The following KIAA0930 variants were observed in gnomAD, a reference collection of about 807,000 sequenced individuals.
KIAA0930 encodes KIAA0930.
A neutral mutation model predicts 43.9 loss-of-function variants in KIAA0930; 24 were observed. The ratio of observed to expected loss-of-function variants is 0.55; its 90% CI spans 0.40 to 0.77. The LOEUF (loss-of-function observed/expected upper bound fraction) is 0.77, where lower values mean the gene tolerates loss of function less well. Ranked by LOEUF, KIAA0930 falls within the 30% of genes least tolerant of loss-of-function variation. The pLI is 0.00. For synonymous variants in KIAA0930, 259 were observed against 216.4 expected (o/e 1.20, Z -1.73); for missense variants, 461 against 574.2 (o/e 0.80, Z 2.02).
intron 7 of KIAA0930, chr22:45,201,104 T>TCCA: frequency 2.2e-6 from 1 of 450,324 alleles, no homozygotes; most frequent in Non-Finnish European, 4.5e-6. Flanking sequence ...GGCTCCGACA[T>TCCA]CCACCAAAGT....
At chr22:45,230,464 C>T (rs1049996090) in intron 1 of KIAA0930, among the ~76,000 whole-genome samples, 2 of 152,120 alleles carry the variant, frequency 1.3e-5, no homozygotes, top group Admixed American at 1.3e-4. Context: ...GGCACCCTCT[C>T]TATGTCCGGA....
chr22:45,225,931 C>G (rs946857940), intron 1 of KIAA0930, among the ~76,000 whole-genome samples: 1 of 152,244 alleles, frequency 6.6e-6, no homozygotes, highest in Non-Finnish European at 1.5e-5. Flanking sequence ...AGGGCCAGGC[C>G]AAAGCCCCAC....
At chr22:45,202,289 A>G (rs1046393463) in intron 7 of KIAA0930, among the ~76,000 whole-genome samples, 1 of 152,196 alleles carries the variant, frequency 6.6e-6, no homozygotes, top group Non-Finnish European at 1.5e-5. Flanking sequence ...CCTGTGCCCC[A>G]CCAAAGGCTT....
intron 7 of KIAA0930, 61 bp downstream of exon 7, chr22:45,202,929 G>GA (rs763593646): frequency 1.1e-4 from 153 of 1,409,216 alleles, no homozygotes; most frequent in Non-Finnish European, 1.4e-4. Flanking sequence ...GAGCACGGGG[G>GA]AGACGGTGGA....
intron 3 of KIAA0930, 24 bp downstream of exon 3, chr22:45,205,769 A>AGGGGG: frequency 1.2e-5 from 18 of 1,545,970 alleles, no homozygotes; most frequent in Non-Finnish European, 1.4e-5. Flanking sequence ...GCCAATCCGC[A>AGGGGG]GCCCCACCCA....
intron 1 of KIAA0930, among the ~76,000 whole-genome samples, chr22:45,217,520 C>T (rs891567139): frequency 2.0e-5 from 3 of 152,146 alleles, no homozygotes; most frequent in African/African-American, 7.2e-5. Flanking sequence ...GTGCCTGGGA[C>T]TAGATAGCAT....
Position 45,199,855 on chromosome 22 carries a change from C to T in KIAA0930, c.1015+18G>A, listed in dbSNP as rs1275872841. 1 of 1,542,994 alleles carries T rather than the reference C, an allele frequency of 6.5e-7. No individual in the cohort carries two copies. The highest frequency in any genetic ancestry group is 1.4e-5 in the African/African-American group (1 of 72,042). ...ACTGAAGGGCACGGGGACCCTAGGG[C>T]ACGGAGTGGGGGGTCACCTCCACCG... On this transcript the variant is annotated intron_variant, in intron 8 of 9. Coordinates refer to ENST00000336156, the MANE Select transcript of KIAA0930 (RefSeq NM_001009880.2).
intron 1 of KIAA0930, among the ~76,000 whole-genome samples, chr22:45,222,672 C>T (rs970271085): frequency 7.4e-5 from 10 of 134,994 alleles, no homozygotes; most frequent in Non-Finnish European, 1.5e-4. Context: ...CACACACATA[C>T]ACCATAAACA....
At chr22:45,199,506 C>G (rs1407667551) in intron 8 of KIAA0930, among the ~76,000 whole-genome samples, 1 of 152,222 alleles carries the variant, frequency 6.6e-6, no homozygotes, top group African/African-American at 2.4e-5. Context: ...AAGCCCTCCT[C>G]TCTCCCGCCA....
At chr22:45,208,329 C>A (rs1043001045) in intron 2 of KIAA0930, among the ~76,000 whole-genome samples, 2 of 150,106 alleles carry the variant, frequency 1.3e-5, no homozygotes, top group African/African-American at 4.9e-5. Flanking sequence ...CGACTCCACA[C>A]ACATGAGCTG....
intron 1 of KIAA0930, chr22:45,213,467 C>T: frequency 4.1e-6 from 5 of 1,225,708 alleles, no homozygotes; most frequent in Admixed American, 2.9e-5. Flanking sequence ...ACTGGCAAGA[C>T]CTCCCAGGCT....
intron 1 of KIAA0930, among the ~76,000 whole-genome samples, chr22:45,230,063 T>C (rs2083842746): frequency 6.6e-6 from 1 of 152,156 alleles, no homozygotes; most frequent in Non-Finnish European, 1.5e-5. Context: ...GCCACTGCAC[T>C]CCAGCCTGGG....
chr22:45,238,254 T>C (rs1413901270), intron 1 of KIAA0930, among the ~76,000 whole-genome samples: 1 of 152,160 alleles, frequency 6.6e-6, no homozygotes, highest in East Asian at 1.9e-4. Flanking sequence ...GAAGCTAAGA[T>C]TCCCATCTCC....
At chr22:45,212,984 G>T (rs2083707865) in intron 1 of KIAA0930, among the ~76,000 whole-genome samples, 1 of 152,160 alleles carries the variant, frequency 6.6e-6, no homozygotes, top group Non-Finnish European at 1.5e-5. Flanking sequence ...CAACTCAGTA[G>T]ATTAAACCGG....
chr22:45,223,742 C>T (rs2083781552), intron 1 of KIAA0930, among the ~76,000 whole-genome samples: 1 of 148,726 alleles, frequency 6.7e-6, no homozygotes, highest in Non-Finnish European at 1.5e-5. Context: ...CACCCAGGGT[C>T]AGCACTGAGA....
chr22:45,195,091 C>G lies in KIAA0930; in HGVS notation c.*2085G>C, dbSNP rs1408116437. On this transcript the variant is annotated 3_prime_UTR_variant, in exon 10 of 10. Coordinates refer to ENST00000336156, the MANE Select transcript of KIAA0930 (RefSeq NM_001009880.2). ...CGTTTCTGTGACCAGCGAGCCCTTTCACACATCACTGTGACTGGTCCTCAT... is the reference window on the plus strand; with the variant it reads ...CGTTTCTGTGACCAGCGAGCCCTTTGACACATCACTGTGACTGGTCCTCAT... 6.6e-6 allele frequency: 1 copy of G among 152,266 alleles called. No homozygotes were observed. Among genetic ancestry groups the G allele is most frequent in the Non-Finnish European group, 1.5e-5 (1 of 68,044 alleles). 9.4% of individuals were successfully genotyped at this position (152,266 alleles called of 1,614,324 possible).
chr22:45,233,886 G>C (rs188726895), intron 1 of KIAA0930, among the ~76,000 whole-genome samples: 2 of 152,228 alleles, frequency 1.3e-5, no homozygotes, highest in Non-Finnish European at 2.9e-5. Context: ...GCCTAGCCCA[G>C]CACCGCATGC....
At position 45,202,866 on chromosome 22, in the gene KIAA0930, G is replaced by T. The variant is rs944196960; in HGVS notation, c.852+124C>A. On this transcript the variant is annotated intron_variant, in intron 7 of 9. Coordinates refer to ENST00000336156, the MANE Select transcript of KIAA0930 (RefSeq NM_001009880.2). Reference sequence around the variant, plus strand: ...CGGGCCTCCGCACGCTCGGCACCTCGGCCTGCGCACTGGTGGTTGGGGATG... The same window carrying T: ...CGGGCCTCCGCACGCTCGGCACCTCTGCCTGCGCACTGGTGGTTGGGGATG... The T allele has an allele frequency of 8.7e-6, 7 of 800,974 alleles. No homozygotes were observed. In the African/African-American group the frequency reaches 1.1e-4, roughly 12 times the overall value. The allele number at this position is 800,974 out of a possible 1,614,324, so 49.6% of individuals were successfully genotyped here.
intron 2 of KIAA0930, among the ~76,000 whole-genome samples, chr22:45,211,603 GGCCCT>G (rs2083693941): frequency 1.3e-5 from 2 of 152,166 alleles, no homozygotes. Flanking sequence ...GCCAAGGGAG[GGCCCT>G]GGGCTCTGGA....
Sources: gnomAD v4.1 joint callset for allele counts (sites outside exome capture counted in the v4.1 genomes callset) on GRCh38, gnomAD v4.1.1 for gene constraint, MANE v1.5 for transcripts, NCBI Gene and HGNC (gene_info 2026-07-23, HGNC 2026-07-21) for gene names.